Variants in MDFIC2 observed in about 807,000 individuals in gnomAD.
MDFIC2 encodes the protein MyoD family inhibitor domain containing 2.
chr3:70,250,826 C>G (rs1342669634), intron 2 of MDFIC2, among the ~76,000 whole-genome samples: 1 of 152,082 alleles, frequency 6.6e-6, no homozygotes, highest in Non-Finnish European at 1.5e-5. Flanking sequence ...GCACACAGTT[C>G]TTTTCAGGGA....
At chr3:70,265,809 G>C (rs140702269) in intron 2 of MDFIC2, among the ~76,000 whole-genome samples, 1 of 152,132 alleles carries the variant, frequency 6.6e-6, no homozygotes, top group Admixed American at 6.5e-5. Context: ...CTCTTCACAG[G>C]GTGGCAGGAG....
chr3:70,287,958 T>G (rs2106689163), intron 2 of MDFIC2, among the ~76,000 whole-genome samples: 1 of 152,340 alleles, frequency 6.6e-6, no homozygotes. Context: ...TTTTTTTCTT[T>G]ATTAGTCTTG....
In MDFIC2 at chr3:70,259,893, C is replaced by G. The variant is rs779762164; in HGVS notation, c.88+51993G>C. Among the ~76,000 whole-genome samples, 163 of 152,166 alleles carry G rather than the reference C, an allele frequency of 1.1e-3. 1 individual carries two copies. The highest frequency in any genetic ancestry group is 1.0e-3 in the Non-Finnish European group (70 of 68,000). On this transcript the variant is annotated intron_variant, in intron 2 of 3. Coordinates refer to ENST00000567252, the MANE Select transcript of MDFIC2 (RefSeq NM_001364677.1). Reference sequence around the variant, plus strand: ...TGGAAGGTGGAGGGGAAGCAAGGCACCTTCTTCACAAGGAAGCAGGAAGGA... The same window carrying G: ...TGGAAGGTGGAGGGGAAGCAAGGCAGCTTCTTCACAAGGAAGCAGGAAGGA...
chr3:70,266,676 G>A (rs1368028523), intron 2 of MDFIC2, among the ~76,000 whole-genome samples: 1 of 151,966 alleles, frequency 6.6e-6, no homozygotes, highest in Non-Finnish European at 1.5e-5. Context: ...AAACTCCTAG[G>A]CCCAAGAGAT....
intron 2 of MDFIC2, among the ~76,000 whole-genome samples, chr3:70,207,605 TAC>T (rs1701304917): frequency 6.6e-6 from 1 of 151,840 alleles, no homozygotes; most frequent in South Asian, 2.1e-4. Context: ...AAATCCTAGA[TAC>T]ACAGATTGAA....
intron 2 of MDFIC2, among the ~76,000 whole-genome samples, chr3:70,284,275 C>A (rs532694426): frequency 2.1e-4 from 32 of 152,230 alleles, no homozygotes; most frequent in African/African-American, 7.2e-4. Context: ...CTAATCCCTA[C>A]GATTTATTTC....
chr3:70,206,752 G>T lies in MDFIC2; in HGVS notation c.127C>A (p.Pro43Thr), dbSNP rs1701295027. Residue 43 changes from proline to threonine, a missense_variant, in exon 3 of 4, where the codon CCC becomes ACC. Coordinates refer to ENST00000567252, the MANE Select transcript of MDFIC2 (RefSeq NM_001364677.1). ...GAATTTATAACAATAGCATTAATGG[G>T]TTTCTCATCTGCATGCTTTGCATTC... ...LTNAKHADEKPINAIVINSVS... is the reference protein window; with the variant it reads ...LTNAKHADEKTINAIVINSVS... The T allele has an allele frequency of 2.5e-6, 1 of 397,734 alleles. No homozygotes were observed. The highest frequency in any genetic ancestry group is 4.4e-6 in the Non-Finnish European group (1 of 225,506). The allele number at this position is 397,734 out of a possible 1,614,324, so 24.6% of individuals were successfully genotyped here. A position where few individuals can be genotyped will look rare whatever the true frequency, so the allele number is the denominator to read the frequency against.
intron 2 of MDFIC2, among the ~76,000 whole-genome samples, chr3:70,265,911 G>A (rs1168170223): frequency 1.3e-5 from 2 of 152,076 alleles, no homozygotes; most frequent in African/African-American, 4.8e-5. Flanking sequence ...CGGCATGGGG[G>A]AAGCCATATC....
At chr3:70,202,640 G>A (rs1336872769) in intron 3 of MDFIC2, among the ~76,000 whole-genome samples, 1 of 152,110 alleles carries the variant, frequency 6.6e-6, no homozygotes, top group Non-Finnish European at 1.5e-5. Context: ...TCAGAGACCT[G>A]CAGGCTGCAC....
At chr3:70,295,501 G>A (rs565524394) in intron 2 of MDFIC2, among the ~76,000 whole-genome samples, 82 of 152,116 alleles carry the variant, frequency 5.4e-4, no homozygotes, top group African/African-American at 2.0e-3. Context: ...CCAGGAGTTC[G>A]AGACTGGCCT....
Position 70,206,696 on chromosome 3 carries a change from T to C in MDFIC2, c.183A>G (p.Pro61=). Reference sequence around the variant, plus strand: ...TTTTCTCATTGGGGTTTTCCTTGGCTGGTCCATCTGTGATATTGAAGTCAG... The same window carrying C: ...TTTTCTCATTGGGGTTTTCCTTGGCCGGTCCATCTGTGATATTGAAGTCAG... ...SVSDFNITDG[P]AKENPNEKKL... is the part of the protein sequence containing the mutation. Residue 61 remains proline (P), a synonymous_variant, in exon 3 of 4, where the codon CCA becomes CCG. Transcript: ENST00000567252. The C allele has an allele frequency of 2.5e-6, 1 of 397,962 alleles. No individual in the cohort carries two copies. The highest frequency in any genetic ancestry group is 4.4e-6 in the Non-Finnish European group (1 of 225,622). 24.7% of individuals were successfully genotyped at this position (397,962 alleles called of 1,614,324 possible). A position where few individuals can be genotyped will look rare whatever the true frequency, so the allele number is the denominator to read the frequency against.
At chr3:70,296,660 A>G (rs553861839) in intron 2 of MDFIC2, among the ~76,000 whole-genome samples, 65 of 152,198 alleles carry the variant, frequency 4.3e-4, no homozygotes, top group African/African-American at 1.4e-3. Flanking sequence ...CCCACAGCCA[A>G]TTACCAGCAA....
chr3:70,280,746 G>A (rs185741187), intron 2 of MDFIC2, among the ~76,000 whole-genome samples: 150 of 152,040 alleles, frequency 9.9e-4, no homozygotes, highest in Non-Finnish European at 1.8e-3. Flanking sequence ...AGTTTCCCCC[G>A]CCTTTCTGTG....
At chr3:70,258,960 T>C (rs1701841988) in intron 2 of MDFIC2, among the ~76,000 whole-genome samples, 1 of 152,144 alleles carries the variant, frequency 6.6e-6, no homozygotes, top group Non-Finnish European at 1.5e-5. Context: ...TTTAAATATA[T>C]ATTTGAAAAA....
At chr3:70,212,815 TCTCA>T (rs1473681258) in intron 2 of MDFIC2, among the ~76,000 whole-genome samples, 1 of 151,966 alleles carries the variant, frequency 6.6e-6, no homozygotes, top group East Asian at 1.9e-4. Flanking sequence ...TGAGACAGGG[TCTCA>T]CTCTGTCACC....
At position 70,285,648 on chromosome 3, in the gene MDFIC2, G is replaced by A. The variant is rs200652602; in HGVS notation, c.88+26238C>T. Among the ~76,000 whole-genome samples the A allele has an allele frequency of 2.5e-4, 38 of 150,638 alleles. No homozygotes were observed. The East Asian group carries it at 7.1e-3, about 28-fold the overall frequency. On this transcript the variant is annotated intron_variant, in intron 2 of 3. Transcript: ENST00000567252. ...GAATCGCCACACTGACTTCCACAAT[G>A]GTTGAACTAGTTTACAGTCCCACCA...
chr3:70,257,180 A>G (rs758477918), intron 2 of MDFIC2, among the ~76,000 whole-genome samples: 19 of 152,200 alleles, frequency 1.2e-4, no homozygotes, highest in Non-Finnish European at 2.5e-4. Flanking sequence ...TTTGTGAACT[A>G]TACATTTGGT....
At position 70,305,453 on chromosome 3, in the gene MDFIC2, A is replaced by G. The variant is rs574297212; in HGVS notation, c.88+6433T>C. Among the ~76,000 whole-genome samples the G allele has an allele frequency of 3.9e-5, 6 of 152,320 alleles. No individual in the cohort carries two copies. In the East Asian group the frequency reaches 1.2e-3, roughly 29 times the overall value. On this transcript the variant is annotated intron_variant, in intron 2 of 3. Coordinates refer to ENST00000567252, the MANE Select transcript of MDFIC2 (RefSeq NM_001364677.1). Reference sequence around the variant, plus strand: ...AGCATTAGTGTGGCTTAATATTTAAATGAGATACAAAAAATATCCCGTTTA... The same window carrying G: ...AGCATTAGTGTGGCTTAATATTTAAGTGAGATACAAAAAATATCCCGTTTA...
chr3:70,284,405 CA>C (rs1230851563), intron 2 of MDFIC2, among the ~76,000 whole-genome samples: 7 of 151,946 alleles, frequency 4.6e-5, no homozygotes, highest in Non-Finnish European at 1.5e-5. Flanking sequence ...TTTCTAAAAA[CA>C]AAAGCAAAAA....
Sources: allele counts gnomAD v4.1 joint callset (sites outside exome capture counted in the v4.1 genomes callset), GRCh38; gene constraint gnomAD v4.1.1; transcripts MANE v1.5; gene names NCBI Gene and HGNC (gene_info 2026-07-23, HGNC 2026-07-21).